The following COL22A1 variants were observed in gnomAD, a reference collection of about 807,000 sequenced individuals.
COL22A1 encodes the protein collagen type XXII alpha 1 chain, also known as collagen alpha-1(XXII) chain.
Under a neutral mutation model 248.9 loss-of-function variants are expected in COL22A1, and 221 were observed. That is an observed-to-expected ratio of 0.89 (90% CI 0.80 to 0.99). The LOEUF (loss-of-function observed/expected upper bound fraction) is 0.99. COL22A1 is among the 50% of genes least tolerant of loss of function. COL22A1 has a pLI of 0.00. For missense variants in COL22A1, 2,240 were observed against 2,179.0 expected (o/e 1.03, Z -0.56); for synonymous variants, 891 against 793.4 (o/e 1.12, Z -2.07).
intron 3 of COL22A1, among the ~76,000 whole-genome samples, chr8:138,853,950 T>A (rs1408864869): frequency 6.6e-6 from 1 of 152,146 alleles, no homozygotes; most frequent in Non-Finnish European, 1.5e-5. Context: ...AGGGAAAGGG[T>A]AAACTACAAG....
chr8:138,803,171 A>C (rs1297706092), intron 10 of COL22A1, among the ~76,000 whole-genome samples: 1 of 152,214 alleles, frequency 6.6e-6, no homozygotes, highest in Non-Finnish European at 1.5e-5. Flanking sequence ...AGTGCATGAA[A>C]GCATTGCACA....
chr8:138,690,922 T>C, intron 35 of COL22A1, 48 bp from the exon 36 acceptor site: 2 of 1,491,742 alleles, frequency 1.3e-6, no homozygotes, highest in Non-Finnish European at 1.8e-6. Context: ...TGATTAGAAG[T>C]AGTTGCCCCC....
chr8:138,881,433 C>T (rs1165251821), intron 2 of COL22A1, among the ~76,000 whole-genome samples: 1 of 152,114 alleles, frequency 6.6e-6, no homozygotes, highest in South Asian at 2.1e-4. Flanking sequence ...TGCCTGTAAT[C>T]CCAGCACTTT....
At chr8:138,642,566 A>C (rs904846656) in intron 47 of COL22A1, among the ~76,000 whole-genome samples, 1 of 152,196 alleles carries the variant, frequency 6.6e-6, no homozygotes, top group African/African-American at 2.4e-5. Flanking sequence ...TGTTCTCAGA[A>C]TATTTAAAGG....
At chr8:138,907,660 A>G (rs931995902) in intron 1 of COL22A1, among the ~76,000 whole-genome samples, 3 of 152,240 alleles carry the variant, frequency 2.0e-5, no homozygotes, top group Non-Finnish European at 4.4e-5. Context: ...TTAATAATAC[A>G]GACTGGGCAA....
intron 64 of COL22A1, among the ~76,000 whole-genome samples, chr8:138,590,164 C>T (rs1383139712): frequency 2.0e-5 from 3 of 152,160 alleles, no homozygotes; most frequent in Non-Finnish European, 2.9e-5. Context: ...AAGGTCAGTG[C>T]TAAGCCTTGT....
intron 7 of COL22A1, among the ~76,000 whole-genome samples, chr8:138,816,987 G>T (rs1205282097): frequency 6.6e-6 from 1 of 152,206 alleles, no homozygotes; most frequent in African/African-American, 2.4e-5. Flanking sequence ...ACTGTTAGGT[G>T]CTGTGTTTAC....
At chr8:138,607,355 C>T (rs908964436) in intron 57 of COL22A1, among the ~76,000 whole-genome samples, 1 of 152,144 alleles carries the variant, frequency 6.6e-6, no homozygotes, top group Non-Finnish European at 1.5e-5. Flanking sequence ...TCTCATCCAA[C>T]CCTAGAACCC....
chr8:138,744,726 C>A (rs1831969419), intron 22 of COL22A1, among the ~76,000 whole-genome samples: 1 of 152,204 alleles, frequency 6.6e-6, no homozygotes, highest in African/African-American at 2.4e-5. Context: ...GCAAACAATT[C>A]CCTAGGGAAG....
intron 3 of COL22A1, among the ~76,000 whole-genome samples, chr8:138,865,999 CTATG>C (rs2131982956): frequency 6.6e-6 from 1 of 151,462 alleles, no homozygotes; most frequent in African/African-American, 2.4e-5. Flanking sequence ...ATGCCTGTGT[CTATG>C]TATGTTTGTA....
chr8:138,646,777 T>A (rs1305081753), intron 46 of COL22A1, 95 bp from the exon 47 acceptor site: 1 of 871,800 alleles, frequency 1.1e-6, no homozygotes, highest in Admixed American at 2.7e-5. Flanking sequence ...GTACCTCCCT[T>A]CACTGATTTT....
intron 3 of COL22A1, among the ~76,000 whole-genome samples, chr8:138,865,650 T>C (rs1563860538): frequency 6.6e-6 from 1 of 151,504 alleles, no homozygotes; most frequent in African/African-American, 2.4e-5. Flanking sequence ...TATGCTGGTG[T>C]GTGAGTGTGT....
chr8:138,871,737 G>A (rs112802999), intron 3 of COL22A1, among the ~76,000 whole-genome samples: 2 of 152,158 alleles, frequency 1.3e-5, no homozygotes, highest in East Asian at 1.9e-4. Context: ...AAAAGCATCC[G>A]CTGTTGTGAG....
chr8:138,757,197 C>T (rs7002313), intron 18 of COL22A1, among the ~76,000 whole-genome samples: 15,017 of 152,190 alleles, frequency 0.099, 1,141 homozygotes, highest in African/African-American at 0.21. Flanking sequence ...CACTTCTTCA[C>T]GAACATCCTT....
chr8:138,885,805 C>T (rs548172417), intron 1 of COL22A1, among the ~76,000 whole-genome samples: 75 of 152,244 alleles, frequency 4.9e-4, no homozygotes, highest in Admixed American at 2.4e-3. Context: ...TCAGTTGATC[C>T]GCCTGCCTCT....
intron 47 of COL22A1, 116 bp downstream of exon 47, chr8:138,646,513 G>A: frequency 1.4e-6 from 1 of 722,780 alleles, no homozygotes; most frequent in Non-Finnish European, 2.1e-6. Context: ...CCAGAACAGG[G>A]GTTTTCTGAT....
chr8:138,612,633 A>T (rs1305596779), intron 56 of COL22A1, among the ~76,000 whole-genome samples: 1 of 152,154 alleles, frequency 6.6e-6, no homozygotes, highest in East Asian at 1.9e-4. Context: ...CCTTATAAAA[A>T]GGGGAACTTT....
intron 38 of COL22A1, 143 bp from the exon 39 acceptor site, chr8:138,684,612 C>T: frequency 1.5e-6 from 1 of 683,408 alleles, no homozygotes; most frequent in Non-Finnish European, 2.6e-6. Flanking sequence ...ACAAAAGAAA[C>T]AGAATCTGGT....
chr8:138,897,420 A>G (rs1300403614), intron 1 of COL22A1, among the ~76,000 whole-genome samples: 1 of 151,876 alleles, frequency 6.6e-6, no homozygotes, highest in East Asian at 1.9e-4. Flanking sequence ...GTGGTGGCAC[A>G]TGCCTGTAAT....
Sources: allele counts gnomAD v4.1 joint callset (sites outside exome capture counted in the v4.1 genomes callset), GRCh38; gene constraint gnomAD v4.1.1; transcripts MANE v1.5; gene names NCBI Gene and HGNC (gene_info 2026-07-23, HGNC 2026-07-21).